Variants in PSMB6 observed in about 807,000 individuals in gnomAD.
The protein encoded by PSMB6 is proteasome 20S subunit beta 6.
A neutral mutation model predicts 28.2 loss-of-function variants in PSMB6; 11 were observed. The observed-to-expected ratio is 0.39, with a 90% CI of 0.25 to 0.65. The LOEUF is 0.65. Among genes scored for constraint, PSMB6 ranks in the 30% least tolerant of loss-of-function variants. The pLI is 0.48. For synonymous variants in PSMB6, 126 were observed against 117.7 expected (o/e 1.07, Z -0.45); for missense variants, 268 against 319.4 (o/e 0.84, Z 1.23).
In PSMB6 at chr17:4,797,419, C is replaced by T; in HGVS notation, c.171-19C>T. ...GAAGACAGGTGGGCTCCTTTCCTCACTATTCTGCCATCCTGCAGGTCCTAC... is the reference window on the plus strand; with the variant it reads ...GAAGACAGGTGGGCTCCTTTCCTCATTATTCTGCCATCCTGCAGGTCCTAC... On this transcript the variant is annotated intron_variant, in intron 2 of 5. Coordinates refer to ENST00000270586, the MANE Select transcript of PSMB6 (RefSeq NM_002798.3). 6.5e-7 allele frequency: 1 copy of T among 1,539,418 alleles called. No homozygotes were observed. Among genetic ancestry groups the T allele is most frequent in the South Asian group, 1.3e-5 (1 of 79,142 alleles).
chr17:4,796,481 G>T (rs974920992), intron 1 of PSMB6, among the ~76,000 whole-genome samples, 185 bp downstream of exon 1: 1 of 152,168 alleles, frequency 6.6e-6, no homozygotes, highest in Non-Finnish European at 1.5e-5. Context: ...GGGAGGTGGA[G>T]GGTGGGCTGA....
intron 2 of PSMB6, chr17:4,797,112 G>A (rs1409525445): frequency 1.4e-5 from 6 of 418,760 alleles, no homozygotes; most frequent in African/African-American, 4.1e-5. Flanking sequence ...TCAGGAGTTC[G>A]AGACCAGCCT....
Position 4,797,485 on chromosome 17 carries a change from A to T in PSMB6, c.218A>T (p.Asp73Val). ...RVTDKLTPIH[D>V]RIFCCRSGSA... is the part of the protein sequence containing the mutation. ...ACTGACAAGCTGACACCTATTCACG[A>T]CCGCATTTTCTGCTGTCGCTCAGGC... The change falls in exon 3 of 6, where the codon GAC (aspartate) becomes GTC (valine). Residue 73 changes from aspartate (D) to valine (V), a missense_variant. Coordinates refer to ENST00000270586, the MANE Select transcript of PSMB6 (RefSeq NM_002798.3). 1 of 1,603,150 alleles carries T rather than the reference A, an allele frequency of 6.2e-7. No individual in the cohort carries two copies. The highest frequency in any genetic ancestry group is 8.5e-7 in the Non-Finnish European group (1 of 1,172,596).
Position 4,796,230 on chromosome 17 carries a change from G to C in PSMB6, c.36G>C (p.Gly12=). The stretch of plus-strand genomic sequence containing the variant: ...CCTTACTAGCTGCTCGGGGAGCCGG[G>C]CCAGCACCGGCTTGGGGGCCGGAGG... The part of the protein sequence containing the change: ...AATLLAARGA[G]PAPAWGPEAF... Residue 12 remains glycine, a synonymous_variant, in exon 1 of 6, where the codon GGG becomes GGC. Coordinates refer to ENST00000270586, the MANE Select transcript of PSMB6 (RefSeq NM_002798.3). 6.3e-7 allele frequency: 1 copy of C among 1,594,378 alleles called. No homozygotes were observed. The highest frequency in any genetic ancestry group is 8.5e-7 in the Non-Finnish European group (1 of 1,170,550).
chr17:4,797,393 G>A (rs763626973), intron 2 of PSMB6, 45 bp from the exon 3 acceptor site: 1 of 1,521,108 alleles, frequency 6.6e-7, no homozygotes, highest in Non-Finnish European at 8.8e-7. Flanking sequence ...GGATGGAGGT[G>A]GAAGACAGGT....
At position 4,798,347 on chromosome 17, in the gene PSMB6, G is replaced by C. The variant is rs1259530338; in HGVS notation, c.645G>C (p.Glu215Asp). Residue 215 changes from glutamate to aspartate, a missense_variant, in exon 6 of 6, where the codon GAG becomes GAC. By Grantham distance (45) the Glu-to-Asp change is conservative. Coordinates refer to ENST00000270586, the MANE Select transcript of PSMB6 (RefSeq NM_002798.3). ...TGATCCGCCTGGCAGCCATTGCAGA[G>C]TCAGGGGTAGAGCGGCAAGTACTTT... ...GGVIRLAAIA[E>D]SGVERQVLLG... 3 of 1,614,238 alleles carry C rather than the reference G, an allele frequency of 1.9e-6. No homozygotes were observed. The South Asian group carries it at 3.3e-5, about 18-fold the overall frequency.
chr17:4,798,015 T>C lies in PSMB6; in HGVS notation c.439T>C (p.Ser147Pro). The C allele has an allele frequency of 6.2e-7, 1 of 1,614,190 alleles. No homozygotes were observed. Among genetic ancestry groups the C allele is most frequent in the African/African-American group, 1.3e-5 (1 of 75,064 alleles). ...WDPQEGGQVY[S>P]VPMGGMMVRQ... ...CTCTCCTTCTATCTGGCAGGTGTAC[T>C]CAGTGCCTATGGGGGGTATGATGGT... The change falls in exon 5 of 6, where the codon TCA (serine) becomes CCA (proline). Residue 147 changes from serine to proline, a missense_variant. Transcript: ENST00000270586.
chr17:4,798,286 C>T lies in PSMB6; in HGVS notation c.584C>T (p.Ala195Val). 1 of 1,614,132 alleles carries T rather than the reference C, an allele frequency of 6.2e-7. No homozygotes were observed. Among genetic ancestry groups the T allele is most frequent in the Non-Finnish European group, 8.5e-7 (1 of 1,180,012 alleles). Residue 195 changes from alanine (A) to valine (V), a missense_variant, in exon 6 of 6, where the codon GCT (alanine) becomes GTT (valine). Ala to Val is a moderately conservative substitution (Grantham distance 64). Coordinates refer to ENST00000270586, the MANE Select transcript of PSMB6 (RefSeq NM_002798.3). ...ECLQFTANAL[A>V]LAMERDGSSG... ...TTTCTTCTTTTATCCACAGCTCTCG[C>T]TTTGGCCATGGAGCGGGATGGCTCC...
chr17:4,796,327 G>A, intron 1 of PSMB6, 31 bp downstream of exon 1: 2 of 1,505,892 alleles, frequency 1.3e-6, no homozygotes, highest in Non-Finnish European at 1.8e-6. Context: ...CATAGGACGT[G>A]CACAAGGCCT....
intron 2 of PSMB6, 44 bp from the exon 3 acceptor site, chr17:4,797,394 G>A: frequency 6.6e-7 from 1 of 1,521,416 alleles, no homozygotes; most frequent in Non-Finnish European, 8.8e-7. Context: ...GATGGAGGTG[G>A]AAGACAGGTG....
At chr17:4,798,219 T>C in intron 5 of PSMB6, 61 bp from the exon 6 acceptor site, 1 of 1,612,852 alleles carries the variant, frequency 6.2e-7, no homozygotes, top group Non-Finnish European at 8.5e-7. Context: ...CCAGCATTCC[T>C]CATTCCTTGC....
At position 4,796,282 on chromosome 17, in the gene PSMB6, GAA is replaced by G. The variant is rs1905327451; in HGVS notation, c.89_90del (p.Glu30GlyfsTer13). 2.5e-6 allele frequency: 4 copies of G among 1,579,890 alleles called. No homozygotes were observed. Among genetic ancestry groups the G allele is most frequent in the Non-Finnish European group, 3.4e-6 (4 of 1,162,402 alleles). ...GTTCACTCCAGACTGGGAAAGCCGA[GAA>G]GTTTCCACTGGGGTGAGGAAGGAAT... ...EAFTPDWESR[E>X]VSTGTTIMAV... On this transcript the variant is annotated frameshift_variant, in exon 1 of 6. Transcript: ENST00000270586. LOFTEE classifies it high-confidence loss of function.
intron 1 of PSMB6, 91 bp from the exon 2 acceptor site, chr17:4,796,637 C>A (rs1905336417): frequency 8.1e-7 from 1 of 1,230,788 alleles, no homozygotes; most frequent in Non-Finnish European, 1.2e-6. Context: ...CAGCGACGGA[C>A]AGATTTTGTA....
intron 4 of PSMB6, 75 bp downstream of exon 4, chr17:4,797,886 C>T (rs1597310809): frequency 6.2e-7 from 1 of 1,604,312 alleles, no homozygotes; most frequent in East Asian, 2.2e-5. Flanking sequence ...CTTTTTCTTT[C>T]CAGTCTCTAC....
chr17:4,796,644 T>C, intron 1 of PSMB6, 84 bp from the exon 2 acceptor site: 2 of 1,291,960 alleles, frequency 1.5e-6, no homozygotes, highest in South Asian at 1.2e-5. Flanking sequence ...GGACAGATTT[T>C]GTATTTTTGG....
At position 4,796,201 on chromosome 17, in the gene PSMB6, G is replaced by C. The variant is rs749731543; in HGVS notation, c.7G>C (p.Ala3Pro). 1 of 1,583,568 alleles carries C rather than the reference G, an allele frequency of 6.3e-7. No individual in the cohort carries two copies. Among genetic ancestry groups the C allele is most frequent in the South Asian group, 1.2e-5 (1 of 86,632 alleles). MA[A>P]TLLAARGAGP... is the part of the protein sequence containing the mutation. ...GCAGTACCGGAGGAGAAAGATGGCG[G>C]CTACCTTACTAGCTGCTCGGGGAGC... The change falls in exon 1 of 6, where the codon GCT (alanine) becomes CCT (proline). Residue 3 changes from alanine to proline, a missense_variant. By Grantham distance (27) the Ala-to-Pro change is conservative (BLOSUM62 -1). Coordinates refer to ENST00000270586, the MANE Select transcript of PSMB6 (RefSeq NM_002798.3).
At position 4,798,426 on chromosome 17, in the gene PSMB6, C is replaced by A; in HGVS notation, c.*4C>A. The A allele has an allele frequency of 6.2e-7, 1 of 1,613,788 alleles. No individual in the cohort carries two copies. The highest frequency in any genetic ancestry group is 8.5e-7 in the Non-Finnish European group (1 of 1,179,842). On this transcript the variant is annotated 3_prime_UTR_variant, in exon 6 of 6. Coordinates refer to ENST00000270586, the MANE Select transcript of PSMB6 (RefSeq NM_002798.3). ...TGCCACTTTACCACCCGCCTGAATC[C>A]TGGGATTCTAGTATGCAATAAGAGA...
chr17:4,797,608 G>T (rs779882603), intron 3 of PSMB6, 39 bp downstream of exon 3: 2 of 1,598,436 alleles, frequency 1.3e-6, no homozygotes, highest in Non-Finnish European at 1.7e-6. Context: ...TCTGAAGGGA[G>T]TTGGAAGCTG....
rs1366407685 is a variant in PSMB6, at chr17:4,796,225, G to C, written c.31G>C (p.Ala11Pro). MAATLLAARG[A>P]GPAPAWGPEA... is the part of the protein sequence containing the mutation. Reference sequence around the variant, plus strand: ...GGCTACCTTACTAGCTGCTCGGGGAGCCGGGCCAGCACCGGCTTGGGGGCC... The same window carrying C: ...GGCTACCTTACTAGCTGCTCGGGGACCCGGGCCAGCACCGGCTTGGGGGCC... Residue 11 changes from alanine (A) to proline (P), a missense_variant, in exon 1 of 6, where the codon GCC becomes CCC. Physicochemically the swap from Ala to Pro is conservative, Grantham distance 27. Transcript: ENST00000270586. 5 of 1,593,504 alleles carry C rather than the reference G, an allele frequency of 3.1e-6. No individual in the cohort carries two copies. The highest frequency in any genetic ancestry group is 4.3e-6 in the Non-Finnish European group (5 of 1,170,076).
Sources: allele counts gnomAD v4.1 joint callset (sites outside exome capture counted in the v4.1 genomes callset), GRCh38; gene constraint gnomAD v4.1.1; transcripts MANE v1.5; gene names NCBI Gene and HGNC (gene_info 2026-07-23, HGNC 2026-07-21).